Variants in RSF1 observed in about 807,000 individuals in gnomAD.
RSF1 encodes the protein remodeling and spacing factor 1.
Under a neutral mutation model 145.2 loss-of-function variants are expected in RSF1, and 13 were observed. The ratio of observed to expected loss-of-function variants is 0.09; its 90% confidence interval spans 0.06 to 0.14. The LOEUF is 0.14. RSF1 is among the 10% of genes least tolerant of loss of function. The pLI, the probability that RSF1 is intolerant of heterozygous loss-of-function variation, is 1.00. For synonymous variants in RSF1, 577 were observed against 592.6 expected (o/e 0.97, Z 0.38); for missense variants, 1,517 against 1,718.2 (o/e 0.88, Z 2.07).
chr11:77,790,851 G>T (rs1449398262), intron 1 of RSF1, among the ~76,000 whole-genome samples: 1 of 152,298 alleles, frequency 6.6e-6, no homozygotes, highest in Middle Eastern at 3.4e-3. Context: ...GGGCAGCTCC[G>T]CCCCTGTGGC....
intron 15 of RSF1, 140 bp from the exon 16 acceptor site, chr11:77,667,631 A>T (rs1176151760): frequency 7.3e-6 from 5 of 682,522 alleles, no homozygotes; most frequent in African/African-American, 1.8e-5. Context: ...AATTGGCCTG[A>T]TTTCTCTCTT....
intron 3 of RSF1, 97 bp downstream of exon 3, chr11:77,746,939 A>G: frequency 1.4e-6 from 1 of 712,786 alleles, no homozygotes; most frequent in Non-Finnish European, 2.3e-6. Flanking sequence ...TCTGCTAATA[A>G]TAAAAATGTC....
At chr11:77,747,277 T>C (rs1319202531) in intron 2 of RSF1, 149 bp from the exon 3 acceptor site, 2 of 528,188 alleles carry the variant, frequency 3.8e-6, no homozygotes, top group Non-Finnish European at 6.9e-6. Context: ...CTAAAATGCA[T>C]ACTACTTAAA....
At chr11:77,758,584 A>G (rs1297267483) in intron 2 of RSF1, among the ~76,000 whole-genome samples, 5 of 152,166 alleles carry the variant, frequency 3.3e-5, no homozygotes, top group Admixed American at 1.3e-4. Flanking sequence ...GAGAGTTCCA[A>G]TTTCTCCACA....
At chr11:77,740,373 T>C (rs1482387393) in intron 4 of RSF1, among the ~76,000 whole-genome samples, 1 of 152,176 alleles carries the variant, frequency 6.6e-6, no homozygotes, top group Non-Finnish European at 1.5e-5. Context: ...GAAACTCCGT[T>C]TAAAAAAGAA....
rs771952522 is a variant in RSF1 at position 77,675,202 on chromosome 11, ATCT to A, written c.3393_3395del (p.Glu1131del). 8 of 1,614,016 alleles carry A rather than the reference ATCT, an allele frequency of 5.0e-6. No individual in the cohort carries two copies. Among genetic ancestry groups the A allele is most frequent in the Non-Finnish European group, 6.8e-6 (8 of 1,179,980 alleles). ...TGTCACTGTCATCATTAGATGGCGG[ATCT>A]TCTTCACTTTCATCTGGGTTTTCAT... On this transcript the variant is annotated inframe_deletion, in exon 14 of 16. Transcript: ENST00000308488.
At chr11:77,821,016 A>T, upstream of RSF1, 1 of 470,632 alleles carries the variant, frequency 2.1e-6, no homozygotes, top group Non-Finnish European at 3.7e-6. Flanking sequence ...GAATGAAAAC[A>T]AGGGAAGCGG....
chr11:77,778,512 A>G (rs1948371611), intron 1 of RSF1, among the ~76,000 whole-genome samples: 1 of 152,162 alleles, frequency 6.6e-6, no homozygotes, highest in South Asian at 2.1e-4. Flanking sequence ...AGAGCATGAT[A>G]AAGTCCCCTC....
intron 10 of RSF1, 103 bp from the exon 11 acceptor site, chr11:77,683,922 G>C (rs1210897905): frequency 2.5e-6 from 2 of 811,336 alleles, no homozygotes; most frequent in Non-Finnish European, 3.8e-6. Context: ...ACATGTGAAA[G>C]GTCTGAAAAA....
rs919090156 is a variant in RSF1 at position 77,725,832 on chromosome 11, G to T, written c.579-133C>A. On this transcript the variant is annotated intron_variant, in intron 4 of 15. Coordinates refer to ENST00000308488, the MANE Select transcript of RSF1 (RefSeq NM_016578.4). ...AACATCAAAAACACTGGTACAGCTA[G>T]CCCTAATTAACCCTGAATTTTAAAA... 17 of 573,494 alleles carry T rather than the reference G, an allele frequency of 3.0e-5. 1 individual carries two copies. The highest frequency in any genetic ancestry group is 4.1e-5 in the Admixed American group (1 of 24,678). 35.5% of individuals were successfully genotyped at this position (573,494 alleles called of 1,614,324 possible).
At chr11:77,692,678 G>A (rs1307064440) in intron 8 of RSF1, among the ~76,000 whole-genome samples, 4 of 99,546 alleles carry the variant, frequency 4.0e-5, no homozygotes, top group Non-Finnish European at 7.6e-5. Flanking sequence ...CATGCCTGGC[G>A]GTGTTTTTTT....
rs2135818259 is a variant in RSF1, at chr11:77,676,777, T to C, written c.3341+15A>G. The stretch of plus-strand genomic sequence containing the variant: ...CTGGTATCTAGGGATCGGGGCCTAG[T>C]AGGAGACCACACACCCATCACTGAT... On this transcript the variant is annotated intron_variant, in intron 13 of 15. Transcript: ENST00000308488. 1 of 1,610,100 alleles carries C rather than the reference T, an allele frequency of 6.2e-7. No individual in the cohort carries two copies. Among genetic ancestry groups the C allele is most frequent in the Non-Finnish European group, 8.5e-7 (1 of 1,177,192 alleles).
chr11:77,808,171 T>C (rs955452223), intron 1 of RSF1, among the ~76,000 whole-genome samples: 1 of 151,798 alleles, frequency 6.6e-6, no homozygotes, highest in Admixed American at 6.6e-5. Flanking sequence ...CTGTCTCTAT[T>C]AAAAATACAA....
intron 1 of RSF1, among the ~76,000 whole-genome samples, chr11:77,800,069 C>A (rs1199847263): frequency 6.6e-6 from 1 of 152,136 alleles, no homozygotes; most frequent in Admixed American, 6.6e-5. Context: ...CACTTTAGAT[C>A]AGGAATTTAA....
At chr11:77,805,917 C>T (rs1006627163) in intron 1 of RSF1, among the ~76,000 whole-genome samples, 2 of 152,192 alleles carry the variant, frequency 1.3e-5, no homozygotes, top group Admixed American at 1.3e-4. Flanking sequence ...AGCCAGAAGT[C>T]TGGAAATTAA....
At chr11:77,746,041 C>G (rs1258836002) in intron 3 of RSF1, among the ~76,000 whole-genome samples, 1 of 151,986 alleles carries the variant, frequency 6.6e-6, no homozygotes, top group Non-Finnish European at 1.5e-5. Flanking sequence ...TAGCATCCCC[C>G]TAACCTAGAG....
chr11:77,804,571 T>C (rs1426673788), intron 1 of RSF1, among the ~76,000 whole-genome samples: 1 of 152,176 alleles, frequency 6.6e-6, no homozygotes, highest in Non-Finnish European at 1.5e-5. Flanking sequence ...CCACGGTGGC[T>C]CACGCCTGTA....
chr11:77,668,841 C>T (rs777695116), intron 15 of RSF1, among the ~76,000 whole-genome samples: 4 of 152,198 alleles, frequency 2.6e-5, no homozygotes, highest in Admixed American at 6.5e-5. Context: ...TCCATGGATA[C>T]TGAAGATGAC....
intron 3 of RSF1, among the ~76,000 whole-genome samples, chr11:77,741,209 G>A (rs915889600): frequency 2.0e-5 from 3 of 152,086 alleles, no homozygotes; most frequent in Admixed American, 6.5e-5. Flanking sequence ...GAATGAGCCC[G>A]TTTGCACTAA....
Sources: gnomAD v4.1 joint callset for allele counts (sites outside exome capture counted in the v4.1 genomes callset) on GRCh38, gnomAD v4.1.1 for gene constraint, MANE v1.5 for transcripts, NCBI Gene and HGNC (gene_info 2026-07-23, HGNC 2026-07-21) for gene names.